Variants in ATG16L2 observed in about 807,000 individuals in gnomAD.
ATG16L2 encodes the protein autophagy related 16 like 2, also known as protein Atg16l2.
ATG16L2 carries 77 observed loss-of-function variants against 84.7 expected under a neutral mutation model. That is an observed-to-expected ratio of 0.91 (90% CI 0.76 to 1.10). The LOEUF (loss-of-function observed/expected upper bound fraction) is 1.10. ATG16L2 is among the 50% of genes least tolerant of loss of function. The pLI is 0.00. For synonymous variants in ATG16L2, 361 were observed against 342.8 expected (o/e 1.05, Z -0.59); for missense variants, 782 against 817.6 (o/e 0.96, Z 0.53).
chr11:72,843,102 G>A (rs1312127902), exon 6 of ATG16L2: 6 of 1,574,618 alleles, frequency 3.8e-6, no homozygotes, highest in African/African-American at 2.7e-5. Context: ...GGGCAATACA[G>A]TTTAGGTCAA....
intron 5 of ATG16L2, chr11:72,841,558 G>T: frequency 6.2e-7 from 1 of 1,610,102 alleles, no homozygotes; most frequent in Non-Finnish European, 8.5e-7. Flanking sequence ...AGGCAGGGAG[G>T]CGTGTGGCTT....
intron 1 of ATG16L2, among the ~76,000 whole-genome samples, chr11:72,814,837 C>G (rs1859611639): frequency 6.6e-6 from 1 of 152,228 alleles, no homozygotes; most frequent in African/African-American, 2.4e-5. Context: ...GACGCAAGTG[C>G]GTCCTCGGGT....
intron 3 of ATG16L2, 53 bp from the exon 4 acceptor site, chr11:72,821,615 A>ACTGGAGGC: frequency 6.6e-7 from 1 of 1,513,786 alleles, no homozygotes; most frequent in Non-Finnish European, 8.8e-7. Context: ...CCCCGGAGGG[A>ACTGGAGGC]CTGGAGGCCT....
downstream of ATG16L2, among the ~76,000 whole-genome samples, chr11:72,830,517 CA>C (rs34065651): frequency 2.0e-3 from 305 of 152,214 alleles, no homozygotes; most frequent in African/African-American, 7.1e-3. Context: ...TTGAGACACA[CA>C]AAAAACCTTA....
At chr11:72,832,047 T>C (rs1178861283), downstream of ATG16L2, among the ~76,000 whole-genome samples, 1 of 152,194 alleles carries the variant, frequency 6.6e-6, no homozygotes, top group Non-Finnish European at 1.5e-5. Flanking sequence ...TTTTCTATTC[T>C]GGGTCCTGAG....
intron 5 of ATG16L2, chr11:72,838,644 T>A: frequency 3.9e-5 from 24 of 608,828 alleles, no homozygotes; most frequent in South Asian, 6.4e-5. Context: ...GTGGGAGGAG[T>A]CTACCAGGCC....
intron 5 of ATG16L2, among the ~76,000 whole-genome samples, chr11:72,835,881 T>C (rs984108218): frequency 4.0e-5 from 6 of 151,892 alleles, no homozygotes; most frequent in Non-Finnish European, 8.8e-5. Context: ...CCAGAGTAAC[T>C]GGGATTACAG....
intron 14 of ATG16L2, 65 bp downstream of exon 14, chr11:72,827,358 C>T: frequency 7.3e-7 from 1 of 1,368,222 alleles, no homozygotes; most frequent in Middle Eastern, 1.8e-4. Flanking sequence ...AGTTCTTGTT[C>T]CTTTCTCTGG....
downstream of ATG16L2, among the ~76,000 whole-genome samples, chr11:72,834,525 A>C (rs1860676258): frequency 6.6e-6 from 1 of 151,890 alleles, no homozygotes; most frequent in Non-Finnish European, 1.5e-5. Context: ...CTGTATCTAG[A>C]AACAACTCAT....
In ATG16L2 at chr11:72,822,620, G is replaced by A. The variant is rs1476440657; in HGVS notation, c.710+77G>A. 1 of 1,558,552 alleles carries A rather than the reference G, an allele frequency of 6.4e-7. No homozygotes were observed. Among genetic ancestry groups the A allele is most frequent in the African/African-American group, 1.4e-5 (1 of 73,322 alleles). The stretch of plus-strand genomic sequence containing the variant: ...CCTGCCTGCGGCGACCCAGGCTGCC[G>A]ACTGTACTTGTGCACAGCCCCGTCC... On this transcript the variant is annotated intron_variant, in intron 6 of 17. Transcript: ENST00000321297. This position sits in a 1 kb window ranked among gnomAD's most constrained non-coding sequence, Gnocchi z 4.2.
chr11:72,822,560 G>A lies in ATG16L2; in HGVS notation c.710+17G>A. 1 of 1,611,152 alleles carries A rather than the reference G, an allele frequency of 6.2e-7. No individual in the cohort carries two copies. Among genetic ancestry groups the A allele is most frequent in the Non-Finnish European group, 8.5e-7 (1 of 1,178,824 alleles). On this transcript the variant is annotated intron_variant, in intron 6 of 17. Coordinates refer to ENST00000321297, the MANE Select transcript of ATG16L2 (RefSeq NM_033388.2). The surrounding 1 kb of genome is among the most constrained non-coding windows in gnomAD (Gnocchi z 4.2). ...CATCAGCGAGTAAGAGTGGGGATGG[G>A]CCGGTCCGACCCTTGCGTTCTGCCT...
At chr11:72,831,440 G>A (rs1008265879), downstream of ATG16L2, among the ~76,000 whole-genome samples, 1 of 152,334 alleles carries the variant, frequency 6.6e-6, no homozygotes, top group African/African-American at 2.4e-5. Context: ...AGGAGGAGGA[G>A]GTTGCAGTGA....
At chr11:72,825,564 T>G (rs990866580) in intron 10 of ATG16L2, among the ~76,000 whole-genome samples, 157 bp downstream of exon 10, 1 of 152,174 alleles carries the variant, frequency 6.6e-6, no homozygotes, top group African/African-American at 2.4e-5. Flanking sequence ...AGAGTGAGAC[T>G]CTGGGCTCAC....
chr11:72,824,897 A>G, intron 9 of ATG16L2, 55 bp downstream of exon 9: 1 of 1,456,584 alleles, frequency 6.9e-7, no homozygotes. Context: ...GTGCAGGCAC[A>G]GGGGTGGTCT....
At chr11:72,823,956 A>C (rs561110630) in intron 7 of ATG16L2, 104 bp from the exon 8 acceptor site, 1 of 1,260,476 alleles carries the variant, frequency 7.9e-7, no homozygotes, top group South Asian at 1.2e-5. Flanking sequence ...CAGACTTGAG[A>C]GGTTACAAGC....
chr11:72,831,956 T>C (rs1237538867), downstream of ATG16L2, among the ~76,000 whole-genome samples: 2 of 152,318 alleles, frequency 1.3e-5, no homozygotes, highest in Non-Finnish European at 2.9e-5. Flanking sequence ...AGGGTGTGTG[T>C]GCCCCCTGCC....
At chr11:72,831,580 C>T (rs189714001), downstream of ATG16L2, among the ~76,000 whole-genome samples, 22 of 152,316 alleles carry the variant, frequency 1.4e-4, no homozygotes, top group Admixed American at 8.5e-4. Context: ...CAACATTCTT[C>T]GATACTCAGC....
At chr11:72,834,103 G>C (rs767752825), downstream of ATG16L2, among the ~76,000 whole-genome samples, 2 of 152,050 alleles carry the variant, frequency 1.3e-5, no homozygotes, top group Non-Finnish European at 2.9e-5. Flanking sequence ...AACACAGGAA[G>C]AGTCTAGGAG....
chr11:72,842,732 A>G, exon 6 of ATG16L2: 1 of 1,613,966 alleles, frequency 6.2e-7, no homozygotes, highest in Non-Finnish European at 8.5e-7. Flanking sequence ...CCCAGAAGCC[A>G]TCATCATCTT....
Sources: gnomAD v4.1 joint callset for allele counts (sites outside exome capture counted in the v4.1 genomes callset) on GRCh38, gnomAD v4.1.1 for gene constraint, Gnocchi (gnomAD v3.1) non-coding constraint, MANE v1.5 for transcripts, NCBI Gene and HGNC (gene_info 2026-07-23, HGNC 2026-07-21) for gene names.